The following ROBO2 variants were observed in gnomAD, a reference collection of about 807,000 sequenced individuals.
ROBO2 encodes the protein roundabout guidance receptor 2.
ROBO2 carries 53 observed loss-of-function variants against 160.8 expected under a neutral mutation model. The ratio of observed to expected loss-of-function variants is 0.33; its 90% CI spans 0.26 to 0.41. The LOEUF is 0.41. Among genes scored for constraint, ROBO2 ranks in the 10% least tolerant of loss-of-function variants. The probability of loss-of-function intolerance (pLI) is 1.00; values close to 1 mark genes in which losing one functional copy is unlikely to be tolerated. For synonymous variants in ROBO2, 664 were observed against 611.7 expected (o/e 1.09, Z -1.26); for missense variants, 1,577 against 1,722.4 (o/e 0.92, Z 1.49).
chr3:77,481,828 A>G (rs1352946923), intron 4 of ROBO2, among the ~76,000 whole-genome samples: 1 of 152,188 alleles, frequency 6.6e-6, no homozygotes, highest in African/African-American at 2.4e-5. Context: ...GACTAGAACC[A>G]TATCATATAA....
At chr3:76,903,449 G>T (rs1224321940) in intron 2 of ROBO2, among the ~76,000 whole-genome samples, 1 of 152,038 alleles carries the variant, frequency 6.6e-6, no homozygotes. Flanking sequence ...ACTGTCAATT[G>T]TACAGGTTTG....
intron 2 of ROBO2, among the ~76,000 whole-genome samples, chr3:76,215,174 T>C (rs1297347273): frequency 6.6e-6 from 1 of 151,950 alleles, no homozygotes; most frequent in African/African-American, 2.4e-5. Context: ...GTCACCATCA[T>C]CAAAGACCAA....
intron 2 of ROBO2, among the ~76,000 whole-genome samples, chr3:77,413,610 T>A (rs2153524183): frequency 6.6e-6 from 1 of 152,322 alleles, no homozygotes; most frequent in Admixed American, 6.5e-5. Flanking sequence ...TCCGTTACAG[T>A]AACGTAGGTG....
intron 2 of ROBO2, among the ~76,000 whole-genome samples, chr3:76,008,593 C>A (rs1163743507): frequency 1.3e-5 from 2 of 152,142 alleles, no homozygotes; most frequent in African/African-American, 4.8e-5. Flanking sequence ...TCTGCAATAA[C>A]CTAAACACAA....
chr3:76,314,787 A>T (rs1405359883), intron 2 of ROBO2, among the ~76,000 whole-genome samples: 1 of 152,156 alleles, frequency 6.6e-6, no homozygotes, highest in African/African-American at 2.4e-5. Context: ...TGTTACTGGT[A>T]ATGCTTCCAG....
intron 2 of ROBO2, among the ~76,000 whole-genome samples, chr3:76,445,819 G>T (rs999744529): frequency 1.3e-5 from 2 of 151,988 alleles, no homozygotes; most frequent in Non-Finnish European, 2.9e-5. Context: ...TGAAGAAAAG[G>T]CCTCTGACAA....
At chr3:76,838,902 C>T (rs1229188133) in intron 2 of ROBO2, among the ~76,000 whole-genome samples, 1 of 152,078 alleles carries the variant, frequency 6.6e-6, no homozygotes, top group African/African-American at 2.4e-5. Context: ...ACATGACATT[C>T]AATCCACATG....
chr3:77,420,897 C>T (rs990707529), intron 2 of ROBO2, among the ~76,000 whole-genome samples: 4 of 152,088 alleles, frequency 2.6e-5, no homozygotes, highest in Non-Finnish European at 5.9e-5. Flanking sequence ...CCCACATTGA[C>T]AGTTTGATTT....
At chr3:76,537,736 G>A (rs1402958403) in intron 2 of ROBO2, among the ~76,000 whole-genome samples, 1 of 152,124 alleles carries the variant, frequency 6.6e-6, no homozygotes, top group African/African-American at 2.4e-5. Context: ...CAACAAGGCT[G>A]CTTATTCACT....
intron 2 of ROBO2, among the ~76,000 whole-genome samples, chr3:76,367,683 G>A (rs1179300309): frequency 6.6e-6 from 1 of 151,762 alleles, no homozygotes; most frequent in Non-Finnish European, 1.5e-5. Flanking sequence ...CAATTTCCAT[G>A]AGAAAAAAAA....
chr3:77,385,840 C>G (rs956481988), intron 2 of ROBO2, among the ~76,000 whole-genome samples: 2 of 152,100 alleles, frequency 1.3e-5, no homozygotes, highest in Non-Finnish European at 2.9e-5. Flanking sequence ...CCCTCAGACA[C>G]GTGAGTGACA....
At chr3:77,169,907 G>A (rs1381210372) in intron 2 of ROBO2, among the ~76,000 whole-genome samples, 2 of 152,122 alleles carry the variant, frequency 1.3e-5, no homozygotes, top group East Asian at 3.9e-4. Flanking sequence ...GGGTCTCTGG[G>A]GGGTGGGATG....
At chr3:76,572,758 T>C (rs892538851) in intron 2 of ROBO2, among the ~76,000 whole-genome samples, 7 of 152,158 alleles carry the variant, frequency 4.6e-5, no homozygotes, top group Non-Finnish European at 8.8e-5. Flanking sequence ...ATGTTAAGCA[T>C]TGCAAAAGGC....
intron 2 of ROBO2, among the ~76,000 whole-genome samples, chr3:76,748,759 C>T (rs1170849929): frequency 6.6e-6 from 1 of 151,696 alleles, no homozygotes; most frequent in Non-Finnish European, 1.5e-5. Context: ...TTTTAAAGGA[C>T]AATTTAAAAG....
intron 2 of ROBO2, among the ~76,000 whole-genome samples, chr3:76,107,097 A>T (rs55976602): frequency 0.13 from 19,953 of 152,180 alleles, 3,000 homozygotes; most frequent in African/African-American, 0.36. Flanking sequence ...ATAGCTTTCA[A>T]AAACATTCTC....
chr3:76,255,712 A>G (rs1002318768), intron 2 of ROBO2, among the ~76,000 whole-genome samples: 1 of 152,136 alleles, frequency 6.6e-6, no homozygotes, highest in Non-Finnish European at 1.5e-5. Context: ...ATCACAGAGA[A>G]TACTATTTTA....
chr3:76,857,879 T>G (rs1318350970), intron 2 of ROBO2, among the ~76,000 whole-genome samples: 2 of 152,192 alleles, frequency 1.3e-5, no homozygotes, highest in Non-Finnish European at 2.9e-5. Context: ...TAGCTAAGCC[T>G]TTTACTTGAG....
chr3:76,279,123 T>A (rs1708094605), intron 2 of ROBO2, among the ~76,000 whole-genome samples: 1 of 151,070 alleles, frequency 6.6e-6, no homozygotes, highest in South Asian at 2.1e-4. Context: ...TATATGGATA[T>A]ATTATATATA....
chr3:77,035,476 A>G (rs991435528), upstream of ROBO2, among the ~76,000 whole-genome samples: 16 of 148,354 alleles, frequency 1.1e-4, no homozygotes, highest in Non-Finnish European at 1.8e-4. Flanking sequence ...AGGAAGAAAG[A>G]TTTTCTTTCT....
Sources: allele counts gnomAD v4.1 joint callset (sites outside exome capture counted in the v4.1 genomes callset), GRCh38; gene constraint gnomAD v4.1.1; transcripts MANE v1.5; gene names NCBI Gene and HGNC (gene_info 2026-07-23, HGNC 2026-07-21).